Variants in FSTL5 observed in about 807,000 individuals in gnomAD.
The protein encoded by FSTL5 is follistatin like 5.
A neutral mutation model predicts 89.1 loss-of-function variants in FSTL5; 62 were observed. The observed-to-expected ratio is 0.70, with a 90% CI of 0.57 to 0.86. FSTL5 has a LOEUF of 0.86. FSTL5 is among the 40% of genes least tolerant of loss of function. FSTL5 has a pLI of 0.00. For missense variants in FSTL5, 1,057 were observed against 1,001.6 expected, an observed-to-expected ratio of 1.06 and a Z score of -0.75; for synonymous variants, 383 against 346.2, an observed-to-expected ratio of 1.11 and a Z score of -1.18.
At chr4:162,129,938 G>A (rs990693022) in intron 1 of FSTL5, among the ~76,000 whole-genome samples, 3 of 152,136 alleles carry the variant, frequency 2.0e-5, no homozygotes, top group African/African-American at 7.2e-5. Flanking sequence ...TTTTAAAGAA[G>A]CAACATGCTA....
chr4:161,565,073 A>C (rs1335159298), intron 8 of FSTL5, among the ~76,000 whole-genome samples: 3 of 151,918 alleles, frequency 2.0e-5, no homozygotes, highest in African/African-American at 7.2e-5. Flanking sequence ...ATCCTCTGGC[A>C]AAGTTTACTT....
chr4:161,962,189 A>G (rs1735200427), intron 3 of FSTL5, among the ~76,000 whole-genome samples: 1 of 151,948 alleles, frequency 6.6e-6, no homozygotes, highest in South Asian at 2.1e-4. Flanking sequence ...AATTATTCCT[A>G]GTATTATTTA....
chr4:161,915,389 G>A (rs538465254), intron 4 of FSTL5, among the ~76,000 whole-genome samples: 40 of 148,948 alleles, frequency 2.7e-4, no homozygotes, highest in Non-Finnish European at 5.3e-4. Context: ...TTGTTGAATA[G>A]TCCTAATGTC....
At chr4:162,132,224 T>G (rs1280208397) in intron 1 of FSTL5, among the ~76,000 whole-genome samples, 2 of 152,188 alleles carry the variant, frequency 1.3e-5, no homozygotes, top group African/African-American at 4.8e-5. Context: ...AGAATTGTTA[T>G]CTATATAAGT....
intron 2 of FSTL5, among the ~76,000 whole-genome samples, chr4:162,109,182 G>A (rs1731341375): frequency 6.6e-6 from 1 of 152,004 alleles, no homozygotes; most frequent in Non-Finnish European, 1.5e-5. Flanking sequence ...AATCTTGACT[G>A]ACACAAACAG....
chr4:162,018,214 G>A (rs1177219628), intron 3 of FSTL5, among the ~76,000 whole-genome samples: 1 of 152,176 alleles, frequency 6.6e-6, no homozygotes, highest in East Asian at 1.9e-4. Context: ...AGTAAGAGAA[G>A]AGAAGTAGGG....
chr4:161,629,532 A>G (rs1375346391), intron 7 of FSTL5, among the ~76,000 whole-genome samples: 6 of 151,984 alleles, frequency 3.9e-5, no homozygotes, highest in African/African-American at 2.4e-5. Flanking sequence ...TTTAGTAGAG[A>G]CAGAGTTTCC....
chr4:161,386,726 C>G, intron 15 of FSTL5: 1 of 358,772 alleles, frequency 2.8e-6, no homozygotes, highest in Non-Finnish European at 5.1e-6. Flanking sequence ...ACAAATTTTG[C>G]TTTTAACATA....
At chr4:161,890,454 C>T (rs1340949634) in intron 4 of FSTL5, among the ~76,000 whole-genome samples, 2 of 152,070 alleles carry the variant, frequency 1.3e-5, no homozygotes, top group Non-Finnish European at 1.5e-5. Context: ...CTTTGGGAAG[C>T]CAAGGTGGGC....
chr4:161,404,970 C>T lies in FSTL5; in HGVS notation c.1842-18521G>A, dbSNP rs966746207. Among the ~76,000 whole-genome samples, 6 of 152,116 alleles carry T rather than the reference C, an allele frequency of 3.9e-5. No individual in the cohort carries two copies. In the East Asian group the frequency reaches 1.2e-3, roughly 29 times the overall value. On this transcript the variant is annotated intron_variant, in intron 15 of 15. Coordinates refer to ENST00000306100, the MANE Select transcript of FSTL5 (RefSeq NM_020116.5). ...TCGTAGCTGGGGGCGGTGGCTCATG[C>T]CTGTAATCCCAGAACTTTGGGAGGC...
At chr4:161,555,571 C>T (rs1732358750) in intron 8 of FSTL5, among the ~76,000 whole-genome samples, 1 of 151,514 alleles carries the variant, frequency 6.6e-6, no homozygotes. Flanking sequence ...TGATATGTTA[C>T]AGTAACCTCC....
At chr4:161,777,260 T>TATACAC (rs138402425) in intron 4 of FSTL5, among the ~76,000 whole-genome samples, 1 of 149,428 alleles carries the variant, frequency 6.7e-6, no homozygotes, top group African/African-American at 2.5e-5. Flanking sequence ...TATATATATA[T>TATACAC]ACACACACCA....
intron 7 of FSTL5, among the ~76,000 whole-genome samples, chr4:161,597,198 G>C (rs899361613): frequency 1.3e-5 from 2 of 152,066 alleles, no homozygotes; most frequent in African/African-American, 2.4e-5. Flanking sequence ...ATCTTAAATT[G>C]ATCTTTGTAT....
chr4:161,752,258 T>TAGAC (rs1238563754), intron 6 of FSTL5, among the ~76,000 whole-genome samples: 5 of 152,064 alleles, frequency 3.3e-5, no homozygotes, highest in African/African-American at 9.7e-5. Flanking sequence ...GATAGATAGA[T>TAGAC]AGATAGATAG....
intron 4 of FSTL5, among the ~76,000 whole-genome samples, chr4:161,831,439 C>G (rs1429747192): frequency 6.6e-6 from 1 of 151,716 alleles, no homozygotes; most frequent in Admixed American, 6.6e-5. Flanking sequence ...ATTTTTGTGG[C>G]ATTTTTGAGG....
At chr4:161,794,274 G>T (rs559171743) in intron 4 of FSTL5, among the ~76,000 whole-genome samples, 1 of 152,188 alleles carries the variant, frequency 6.6e-6, no homozygotes, top group African/African-American at 2.4e-5. Flanking sequence ...CCAAGATACA[G>T]ACCCAGTTTC....
intron 8 of FSTL5, among the ~76,000 whole-genome samples, chr4:161,569,758 A>AACACACACACAC (rs56387876): frequency 7.4e-6 from 1 of 134,338 alleles, no homozygotes. Context: ...CCAACACACA[A>AACACACACACAC]ACACACACAC....
At chr4:161,431,824 C>T (rs1179064103) in intron 15 of FSTL5, among the ~76,000 whole-genome samples, 1 of 151,888 alleles carries the variant, frequency 6.6e-6, no homozygotes, top group Admixed American at 6.6e-5. Context: ...GCTAAACTTA[C>T]TACAGATAGA....
At chr4:161,751,333 T>C (rs1740384443) in intron 6 of FSTL5, among the ~76,000 whole-genome samples, 1 of 152,166 alleles carries the variant, frequency 6.6e-6, no homozygotes. Flanking sequence ...ACTGTCCTTT[T>C]TGAATACATG....
Sources: gnomAD v4.1 joint callset for allele counts (sites outside exome capture counted in the v4.1 genomes callset) on GRCh38, gnomAD v4.1.1 for gene constraint, MANE v1.5 for transcripts, NCBI Gene and HGNC (gene_info 2026-07-23, HGNC 2026-07-21) for gene names.